The following GLB1L2 variants were observed in gnomAD, a reference collection of about 807,000 sequenced individuals.
The protein encoded by GLB1L2 is galactosidase beta 1 like 2.
A neutral mutation model predicts 84.1 loss-of-function variants in GLB1L2; 68 were observed. The ratio of observed to expected loss-of-function variants is 0.81; its 90% CI spans 0.67 to 0.99. GLB1L2 has a LOEUF of 0.99. Ranked by LOEUF, GLB1L2 falls within the 50% of genes least tolerant of loss-of-function variation. The probability of loss-of-function intolerance (pLI) is 0.00; values close to 1 mark genes in which losing one functional copy is unlikely to be tolerated. For missense variants in GLB1L2, 762 were observed against 805.6 expected, an observed-to-expected ratio of 0.95 and a Z score of 0.66; for synonymous variants, 290 against 318.0, an observed-to-expected ratio of 0.91 and a Z score of 0.94.
In GLB1L2 at chr11:134,344,424, A is replaced by T. The variant is rs773959689; in HGVS notation, c.322A>T (p.Lys108Ter). Reference protein sequence around the residue: ...PWNLHEPERGKFDFSGNLDLE... With the variant: ...PWNLHEPERG The stretch of plus-strand genomic sequence containing the variant: ...GAACCTGCATGAGCCAGAAAGAGGC[A>T]AATTTGACTTCTCTGGGAACCTGGA... Residue 108 changes from lysine (K) to a stop codon, truncating the protein, a stop_gained, in exon 3 of 19, where the codon AAA becomes TAA. Coordinates refer to ENST00000535456, the MANE Select transcript of GLB1L2 (RefSeq NM_001370461.1). LOFTEE classifies it high-confidence loss of function. 4.3e-6 allele frequency: 7 copies of T among 1,613,232 alleles called. No individual in the cohort carries two copies. The highest frequency in any genetic ancestry group is 5.1e-6 in the Non-Finnish European group (6 of 1,180,034).
Position 134,370,434 on chromosome 11 carries a change from A to C in GLB1L2, c.1215+35A>C, listed in dbSNP as rs187663024. ...GTGGGCAGTCATCGGGAGGTGAGTG[A>C]GTGCCGGGGGCAGTCGTTGGCAGGG... On this transcript the variant is annotated intron_variant, in intron 12 of 18. Coordinates refer to ENST00000535456, the MANE Select transcript of GLB1L2 (RefSeq NM_001370461.1). The surrounding 1 kb of genome is among the most constrained non-coding windows in gnomAD (Gnocchi z 4.7). The C allele has an allele frequency of 2.2e-4, 335 of 1,533,280 alleles. No homozygotes were observed. The African/African-American group carries it at 3.7e-3, about 17-fold the overall frequency. 95.0% of individuals were successfully genotyped at this position (1,533,280 alleles called of 1,614,324 possible).
In GLB1L2 at chr11:134,368,670, G is replaced by T. The variant is rs765136821; in HGVS notation, c.916G>T (p.Val306Leu). Residue 306 changes from valine (V) to leucine (L), a missense_variant, in exon 10 of 19, where the codon GTG becomes TTG. Transcript: ENST00000535456. ...GGTTTTGAAAACCGTGTCTGCCATT[G>T]TGGACGCCGGCTCCTCCATCAACCT... ...SEVLKTVSAIVDAGSSINLYM... is the reference protein window; with the variant it reads ...SEVLKTVSAILDAGSSINLYM... 2 of 1,613,942 alleles carry T rather than the reference G, an allele frequency of 1.2e-6. No homozygotes were observed. Among genetic ancestry groups the T allele is most frequent in the Admixed American group, 1.7e-5 (1 of 60,028 alleles).
chr11:134,337,955 T>A (rs1943410952), intron 1 of GLB1L2, among the ~76,000 whole-genome samples: 1 of 152,206 alleles, frequency 6.6e-6, no homozygotes, highest in African/African-American at 2.4e-5. Context: ...CGTTATGTTA[T>A]AGCATCAAAA....
chr11:134,332,593 C>G (rs959407023), intron 1 of GLB1L2, among the ~76,000 whole-genome samples: 6 of 152,158 alleles, frequency 3.9e-5, no homozygotes, highest in Non-Finnish European at 8.8e-5. Context: ...CAGAGGCCGG[C>G]GCTTCAGCCT....
chr11:134,359,092 C>T lies in GLB1L2; in HGVS notation c.684C>T (p.Leu228=), dbSNP rs1943746189. 1.2e-6 allele frequency: 2 copies of T among 1,604,410 alleles called. No individual in the cohort carries two copies. The highest frequency in any genetic ancestry group is 1.7e-6 in the Non-Finnish European group (2 of 1,175,332). The change falls in exon 7 of 19, where the codon CTC becomes CTT. Residue 228 remains leucine, a synonymous_variant. Transcript: ENST00000535456. ...AGGACCGTGGCATTGTGGAACTGCT[C>T]CTGACTTCAGACAACAAGGATGGGC... ...ALEDRGIVEL[L]LTSDNKDGLS...
At chr11:134,366,498 C>G (rs1389242111) in intron 8 of GLB1L2, among the ~76,000 whole-genome samples, 1 of 152,202 alleles carries the variant, frequency 6.6e-6, no homozygotes, top group Non-Finnish European at 1.5e-5. Flanking sequence ...GAGGAAGGCT[C>G]TCTCATGCAG....
chr11:134,347,326 T>C lies in GLB1L2; in HGVS notation c.451T>C (p.Trp151Arg), dbSNP rs1482188198. 1.9e-6 allele frequency: 3 copies of C among 1,612,350 alleles called. No homozygotes were observed. The highest frequency in any genetic ancestry group is 2.5e-6 in the Non-Finnish European group (3 of 1,178,356). Reference protein sequence around the residue: ...SEMDLGGLPSWLLQDPGMRLR... With the variant: ...SEMDLGGLPSRLLQDPGMRLR... ...CCTTTCCCCCGTTTACACTTCAAGC[T>C]GGCTACTCCAAGACCCTGGCATGAG... Residue 151 changes from tryptophan (W) to arginine (R), a missense_variant and splice_region_variant, in exon 5 of 19, where the codon TGG becomes CGG. Around this residue, in one of 3 missense-constraint regions of GLB1L2, gnomAD observed 603 missense variants for 611.7 expected, o/e 0.99. Coordinates refer to ENST00000535456, the MANE Select transcript of GLB1L2 (RefSeq NM_001370461.1).
At position 134,356,382 on chromosome 11, in the gene GLB1L2, TACGTCAAGA is replaced by T; in HGVS notation, c.642_650del (p.Tyr214_Lys217delinsTer). ...TAATAAAGACCCCGCATACATGCCC[TACGTCAAGA>T]AGGTAAGAATCCTCTTAGTGCGTTT... On this transcript the variant is annotated stop_gained and inframe_deletion and splice_region_variant, in exon 6 of 19. Coordinates refer to ENST00000535456, the MANE Select transcript of GLB1L2 (RefSeq NM_001370461.1). LOFTEE classifies it high-confidence loss of function. 1 of 1,611,958 alleles carries T rather than the reference TACGTCAAGA, an allele frequency of 6.2e-7. No homozygotes were observed. Among genetic ancestry groups the T allele is most frequent in the Non-Finnish European group, 8.5e-7 (1 of 1,178,034 alleles).
At chr11:134,342,647 C>T (rs1943483833) in intron 1 of GLB1L2, 107 bp from the exon 2 acceptor site, 1 of 1,131,948 alleles carries the variant, frequency 8.8e-7, no homozygotes, top group Non-Finnish European at 1.2e-6. Flanking sequence ...GCCACCTGGA[C>T]GCAGGCGCCC....
chr11:134,337,159 A>T lies in GLB1L2; in HGVS notation c.86+5012A>T, dbSNP rs542676307. On this transcript the variant is annotated intron_variant, in intron 1 of 18. Coordinates refer to ENST00000535456, the MANE Select transcript of GLB1L2 (RefSeq NM_001370461.1). ...GCTTCCGGGTCAGAGCCTGGATGTG[A>T]GGCCAGGGTTCCTGCCTTACCTGGG... Among the ~76,000 whole-genome samples the T allele has an allele frequency of 6.6e-5, 10 of 152,320 alleles. No individual in the cohort carries two copies. The East Asian group carries it at 1.9e-3, about 29-fold the overall frequency.
intron 11 of GLB1L2, 109 bp downstream of exon 11, chr11:134,369,994 G>T (rs80082975): frequency 1.6e-5 from 14 of 893,286 alleles, no homozygotes; most frequent in Non-Finnish European, 2.5e-5. Flanking sequence ...GTTGATCTGC[G>T]TGCAAGAATA....
Position 134,362,608 on chromosome 11 carries a change from T to C in GLB1L2, c.734-1720T>C, listed in dbSNP as rs372980640. Among the ~76,000 whole-genome samples, 55 of 152,338 alleles carry C rather than the reference T, an allele frequency of 3.6e-4. 1 individual carries two copies. In the South Asian group the frequency reaches 0.011, roughly 31 times the overall value. On this transcript the variant is annotated intron_variant, in intron 7 of 18. Transcript: ENST00000535456. ...GAGTGTTTCTGGAGAAGTCCTGGGT[T>C]CTTGCCGCAGCTGTTCTGGGCCAGG...
At position 134,374,670 on chromosome 11, in the gene GLB1L2, G is replaced by C; in HGVS notation, c.1776G>C (p.Gln592His). 6.2e-7 allele frequency: 1 copy of C among 1,614,060 alleles called. No individual in the cohort carries two copies. The highest frequency in any genetic ancestry group is 8.5e-7 in the Non-Finnish European group (1 of 1,180,000). Residue 592 changes from glutamine to histidine, a missense_variant, in exon 18 of 19, where the codon CAG becomes CAC. By Grantham distance (24) the Gln-to-His change is conservative (BLOSUM62 0). This residue lies in a region of GLB1L2 where 603 missense variants were observed against 611.7 expected (regional missense o/e 0.99). Transcript: ENST00000535456. ...GACGTTACTGGAACATTGGACCCCAGAAGACGCTTTACCTCCCAGGTCCCT... is the reference window on the plus strand; with the variant it reads ...GACGTTACTGGAACATTGGACCCCACAAGACGCTTTACCTCCCAGGTCCCT... ...NLGRYWNIGP[Q>H]KTLYLPGPWL...
chr11:134,355,881 C>A, intron 5 of GLB1L2: 1 of 395,974 alleles, frequency 2.5e-6, no homozygotes. Context: ...CAAGTTAGAA[C>A]ATTATCAACA....
chr11:134,373,733 ATCTC>A lies in GLB1L2; in HGVS notation c.1522_1525del (p.Leu508IlefsTer2). 1 of 1,611,350 alleles carries A rather than the reference ATCTC, an allele frequency of 6.2e-7. No homozygotes were observed. Among genetic ancestry groups the A allele is most frequent in the South Asian group, 1.1e-5 (1 of 90,894 alleles). On this transcript the variant is annotated frameshift_variant, in exon 16 of 19. Transcript: ENST00000535456. LOFTEE classifies it high-confidence loss of function. ...CTCCCTCCCACAGGCTTAATTGGAA[ATCTC>A]TATCTGAATGATTCACCCCTGAAAA...
intron 3 of GLB1L2, among the ~76,000 whole-genome samples, 188 bp downstream of exon 3, chr11:134,344,643 G>A (rs1302302893): frequency 5.3e-5 from 8 of 152,264 alleles, no homozygotes; most frequent in Non-Finnish European, 1.0e-4. Context: ...GAGGGACTGG[G>A]CCTGCAGCCT....
chr11:134,346,192 G>A (rs552635626), intron 4 of GLB1L2, among the ~76,000 whole-genome samples: 1 of 152,284 alleles, frequency 6.6e-6, no homozygotes, highest in Admixed American at 6.5e-5. Context: ...CGGGGGCATA[G>A]CTTCTGTCTC....
At chr11:134,332,938 A>C (rs1350067964) in intron 1 of GLB1L2, among the ~76,000 whole-genome samples, 1 of 152,186 alleles carries the variant, frequency 6.6e-6, no homozygotes, top group African/African-American at 2.4e-5. Context: ...TCCATATTCA[A>C]AACCTCCAGT....
rs753321111 is a variant in GLB1L2 at position 134,374,629 on chromosome 11, A to C, written c.1735A>C (p.Asn579His). The C allele has an allele frequency of 6.2e-7, 1 of 1,613,982 alleles. No individual in the cohort carries two copies. The highest frequency in any genetic ancestry group is 1.7e-5 in the Admixed American group (1 of 60,028). ...CTGGGAGAAGGGGGTTGTATTCATC[A>C]ATGGCCAGAACCTTGGACGTTACTG... ...EGWEKGVVFI[N>H]GQNLGRYWNI... Residue 579 changes from asparagine to histidine, a missense_variant, in exon 18 of 19, where the codon AAT becomes CAT. Asn to His is a moderately conservative substitution (Grantham distance 68). Around this residue, in one of 3 missense-constraint regions of GLB1L2, gnomAD observed 603 missense variants for 611.7 expected, o/e 0.99. Coordinates refer to ENST00000535456, the MANE Select transcript of GLB1L2 (RefSeq NM_001370461.1).
Sources: allele counts gnomAD v4.1 joint callset (sites outside exome capture counted in the v4.1 genomes callset), GRCh38; gene constraint gnomAD v4.1.1; regional missense constraint gnomAD v4.1.1; non-coding constraint Gnocchi (gnomAD v3.1); transcripts MANE v1.5; gene names NCBI Gene and HGNC (gene_info 2026-07-23, HGNC 2026-07-21).